The following CDH13 variants were observed in gnomAD, a reference collection of about 807,000 sequenced individuals.
The protein encoded by CDH13 is cadherin-13.
In CDH13, 24 loss-of-function variants were observed where a neutral mutation model predicts 63.8. That is an observed-to-expected ratio of 0.38 (90% CI 0.27 to 0.53). The LOEUF (loss-of-function observed/expected upper bound fraction) is 0.53, where lower values mean the gene tolerates loss of function less well. Ranked by LOEUF, CDH13 falls within the 20% of genes least tolerant of loss-of-function variation. CDH13 has a pLI of 0.85. For missense variants in CDH13, 1,049 were observed against 903.1 expected (o/e 1.16, Z -2.07); for synonymous variants, 503 against 355.3 (o/e 1.42, Z -4.67).
At chr16:83,471,260 A>G (rs931843663) in intron 6 of CDH13, among the ~76,000 whole-genome samples, 3 of 119,052 alleles carry the variant, frequency 2.5e-5, no homozygotes, top group African/African-American at 9.5e-5. Context: ...TGGGACCATT[A>G]TTTTTCTAAC....
At chr16:82,803,404 G>A (rs1412379395) in intron 1 of CDH13, among the ~76,000 whole-genome samples, 1 of 152,136 alleles carries the variant, frequency 6.6e-6, no homozygotes, top group African/African-American at 2.4e-5. Flanking sequence ...GACTTTCTTA[G>A]CATGCGAGGC....
At position 82,643,929 on chromosome 16, in the gene CDH13, A is replaced by AT. The variant is rs1287537353; in HGVS notation, c.45+16792_45+16793insT. On this transcript the variant is annotated intron_variant, in intron 1 of 13. Transcript: ENST00000567109. ...GCCCAGTTAATTAAAAAAAAAAAAA[A>AT]CTTTAAGACAAGGTCTTGTTATGTT... 1.1e-4 allele frequency among the ~76,000 whole-genome samples: 16 copies of AT among 151,150 alleles called. No homozygotes were observed. In the South Asian group the frequency reaches 1.5e-3, roughly 14 times the overall value.
At chr16:83,653,593 C>G (rs904396611) in intron 8 of CDH13, among the ~76,000 whole-genome samples, 8 of 152,106 alleles carry the variant, frequency 5.3e-5, no homozygotes, top group African/African-American at 1.9e-4. Context: ...CATCAGCACT[C>G]TAGCATAGTT....
intron 2 of CDH13, among the ~76,000 whole-genome samples, chr16:82,943,382 A>G (rs911180547): frequency 1.3e-5 from 2 of 152,218 alleles, no homozygotes; most frequent in Admixed American, 1.3e-4. Context: ...TGGCAAAATG[A>G]CTGAAATCCC....
intron 2 of CDH13, among the ~76,000 whole-genome samples, chr16:82,959,925 A>T (rs1459974793): frequency 6.6e-6 from 1 of 152,244 alleles, no homozygotes; most frequent in Non-Finnish European, 1.5e-5. Context: ...GAATTCGCCC[A>T]AAAGTGCAAT....
chr16:82,655,045 G>T (rs969571814), intron 1 of CDH13, among the ~76,000 whole-genome samples: 3 of 152,194 alleles, frequency 2.0e-5, no homozygotes, highest in East Asian at 1.9e-4. Flanking sequence ...CAGAACTGGA[G>T]GATGGAGTCC....
chr16:83,590,459 C>G (rs1212719780), intron 7 of CDH13, among the ~76,000 whole-genome samples: 1 of 151,928 alleles, frequency 6.6e-6, no homozygotes, highest in Non-Finnish European at 1.5e-5. Context: ...GAAGAACGGC[C>G]AGGTTGTGGG....
intron 1 of CDH13, among the ~76,000 whole-genome samples, chr16:82,852,358 G>T (rs2039525402): frequency 6.6e-6 from 1 of 152,180 alleles, no homozygotes; most frequent in African/African-American, 2.4e-5. Flanking sequence ...GTCTTGTGGG[G>T]CGGTTCTCCC....
intron 5 of CDH13, among the ~76,000 whole-genome samples, chr16:83,249,793 G>A (rs1238215614): frequency 6.6e-6 from 1 of 152,190 alleles, no homozygotes; most frequent in Non-Finnish European, 1.5e-5. Context: ...GAACAAACAG[G>A]ATTTGGAAGC....
chr16:83,661,339 T>C (rs868686263), intron 8 of CDH13, among the ~76,000 whole-genome samples: 1 of 152,098 alleles, frequency 6.6e-6, no homozygotes, highest in Admixed American at 6.6e-5. Flanking sequence ...ATGTAAAAAT[T>C]AGCTTGGCGT....
chr16:82,864,601 G>A (rs1021319205), intron 2 of CDH13, among the ~76,000 whole-genome samples: 5 of 151,982 alleles, frequency 3.3e-5, no homozygotes, highest in African/African-American at 9.7e-5. Context: ...AACTGCCCCC[G>A]TAATTCAGTT....
At chr16:82,749,477 G>A (rs1256801435) in intron 1 of CDH13, among the ~76,000 whole-genome samples, 6 of 152,126 alleles carry the variant, frequency 3.9e-5, no homozygotes, top group African/African-American at 4.8e-5. Flanking sequence ...CTCCAGGTTC[G>A]GAACTCATCT....
intron 8 of CDH13, among the ~76,000 whole-genome samples, chr16:83,609,463 T>C (rs1395685791): frequency 6.6e-6 from 1 of 152,236 alleles, no homozygotes; most frequent in African/African-American, 2.4e-5. Context: ...ATGTTATCTT[T>C]ATTGGAGTGA....
intron 2 of CDH13, among the ~76,000 whole-genome samples, chr16:82,991,894 A>G (rs1911702165): frequency 6.6e-6 from 1 of 152,168 alleles, no homozygotes; most frequent in South Asian, 2.1e-4. Flanking sequence ...CTAGGATGAG[A>G]GTGATATAAA....
intron 6 of CDH13, among the ~76,000 whole-genome samples, chr16:83,365,989 C>A (rs1395948868): frequency 6.6e-6 from 1 of 152,296 alleles, no homozygotes. Context: ...CTGTGAACCC[C>A]ACGGAGGTCA....
rs888501508 is a variant in CDH13 at position 83,026,241 on chromosome 16, C to T, written c.158-5769C>T. ...AAGGGGGCCATGTTGGGGCAACTGT[C>T]CTTTCTCCACTTGCCCATCTATTCC... On this transcript the variant is annotated intron_variant, in intron 2 of 13. Transcript: ENST00000567109. Among the ~76,000 whole-genome samples the T allele has an allele frequency of 9.2e-5, 14 of 152,204 alleles. 1 individual carries two copies. Among genetic ancestry groups the T allele is most frequent in the Non-Finnish European group, 1.9e-4 (13 of 68,034 alleles).
chr16:82,742,117 A>G (rs75361326), intron 1 of CDH13, among the ~76,000 whole-genome samples: 2,291 of 152,300 alleles, frequency 0.015, 51 homozygotes, highest in African/African-American at 0.053. Context: ...GGCACAGTTA[A>G]TAAAATGGGA....
At chr16:83,546,239 C>G (rs2075383972) in intron 7 of CDH13, among the ~76,000 whole-genome samples, 1 of 152,162 alleles carries the variant, frequency 6.6e-6, no homozygotes, top group African/African-American at 2.4e-5. Flanking sequence ...CTCTTCCCTT[C>G]TCAGAGGCTC....
intron 5 of CDH13, among the ~76,000 whole-genome samples, chr16:83,267,857 A>G (rs963390080): frequency 4.6e-5 from 7 of 152,348 alleles, no homozygotes; most frequent in African/African-American, 1.7e-4. Flanking sequence ...ATCTTTTATC[A>G]CCACTTTCCC....
Sources: allele counts gnomAD v4.1 joint callset (sites outside exome capture counted in the v4.1 genomes callset), GRCh38; gene constraint gnomAD v4.1.1; transcripts MANE v1.5; gene names NCBI Gene and HGNC (gene_info 2026-07-23, HGNC 2026-07-21).